The following PREX2 variants were observed in gnomAD, a reference collection of about 807,000 sequenced individuals.
PREX2 encodes phosphatidylinositol-3,4,5-trisphosphate dependent Rac exchange factor 2.
PREX2 carries 107 observed loss-of-function variants against 203.2 expected under a neutral mutation model. The ratio of observed to expected loss-of-function variants is 0.53; its 90% CI spans 0.45 to 0.62. The LOEUF is 0.62. Ranked by LOEUF, PREX2 falls within the 20% of genes least tolerant of loss-of-function variation. The probability of loss-of-function intolerance (pLI) is 0.00; values close to 1 mark genes in which losing one functional copy is unlikely to be tolerated. For missense variants in PREX2, 1,777 were observed against 1,955.9 expected, an observed-to-expected ratio of 0.91 and a Z score of 1.72; for synonymous variants, 672 against 663.6, an observed-to-expected ratio of 1.01 and a Z score of -0.19.
At chr8:68,155,717 C>T (rs184380442) in intron 34 of PREX2, among the ~76,000 whole-genome samples, 26 of 152,314 alleles carry the variant, frequency 1.7e-4, no homozygotes, top group East Asian at 9.7e-4. Context: ...GATCCATAGC[C>T]ATTCCTGTTA....
chr8:68,076,643 T>G (rs533929833), intron 14 of PREX2, among the ~76,000 whole-genome samples: 2 of 148,386 alleles, frequency 1.3e-5, no homozygotes, highest in African/African-American at 4.9e-5. Context: ...AGATAATATG[T>G]GAGAAAAAAG....
At chr8:68,126,419 C>T (rs1810887954) in intron 30 of PREX2, among the ~76,000 whole-genome samples, 1 of 152,074 alleles carries the variant, frequency 6.6e-6, no homozygotes, top group African/African-American at 2.4e-5. Context: ...TTAATTGAGA[C>T]TCAAAGTAAT....
chr8:67,952,364 G>T lies in PREX2; in HGVS notation c.-31G>T. 2 of 1,500,814 alleles carry T rather than the reference G, an allele frequency of 1.3e-6. No homozygotes were observed. The highest frequency in any genetic ancestry group is 1.8e-6 in the Non-Finnish European group (2 of 1,127,098). 93.0% of individuals were successfully genotyped at this position (1,500,814 alleles called of 1,614,324 possible). On this transcript the variant is annotated 5_prime_UTR_variant, in exon 1 of 40. Transcript: ENST00000288368. ...GCGCGGGTCAGCGCTCAGCACGGCGGGCAGCGCCGCGCTGCGCACCGCCGC... is the reference window on the plus strand; with the variant it reads ...GCGCGGGTCAGCGCTCAGCACGGCGTGCAGCGCCGCGCTGCGCACCGCCGC...
chr8:68,201,900 ATTTTTTTTTT>A (rs869153263), intron 37 of PREX2, among the ~76,000 whole-genome samples: 2 of 98,256 alleles, frequency 2.0e-5, no homozygotes, highest in African/African-American at 8.8e-5. Flanking sequence ...GGTAACACCT[ATTTTTTTTTT>A]TTTTTTTTTT....
chr8:67,965,885 A>G (rs910781406), intron 1 of PREX2, among the ~76,000 whole-genome samples: 9 of 152,202 alleles, frequency 5.9e-5, no homozygotes, highest in African/African-American at 1.4e-4. Flanking sequence ...GGAAGAGCAT[A>G]GCTTTCAATT....
rs1235741033 is a variant in PREX2, at chr8:68,234,544, T to C, written c.*3166T>C. ...CAAAATTTAATGTGATATTAAAGTA[T>C]GAAAAATTTGAGAAGATTAGAATTT... On this transcript the variant is annotated 3_prime_UTR_variant, in exon 40 of 40. Coordinates refer to ENST00000288368, the MANE Select transcript of PREX2 (RefSeq NM_024870.4). The C allele has an allele frequency of 6.6e-6, 1 of 152,198 alleles. No homozygotes were observed. The highest frequency in any genetic ancestry group is 1.5e-5 in the Non-Finnish European group (1 of 68,030). The allele number at this position is 152,198 out of a possible 1,614,324, so 9.4% of individuals were successfully genotyped here. A position where few individuals can be genotyped will look rare whatever the true frequency, so the allele number is the denominator to read the frequency against.
chr8:68,128,662 G>T (rs1003797175), intron 31 of PREX2, among the ~76,000 whole-genome samples: 4 of 152,144 alleles, frequency 2.6e-5, no homozygotes, highest in African/African-American at 9.7e-5. Context: ...TGGTGGATTT[G>T]CAGGGTTCCA....
At chr8:68,180,757 A>G (rs1046690105) in intron 35 of PREX2, among the ~76,000 whole-genome samples, 2 of 152,124 alleles carry the variant, frequency 1.3e-5, no homozygotes, top group African/African-American at 2.4e-5. Context: ...ACTGGATTGG[A>G]CCAATGCAGT....
chr8:68,119,440 C>T lies in PREX2; in HGVS notation c.3430C>T (p.Leu1144Phe), dbSNP rs1414435969. 1.9e-6 allele frequency: 3 copies of T among 1,612,346 alleles called. No homozygotes were observed. Among genetic ancestry groups the T allele is most frequent in the South Asian group, 1.1e-5 (1 of 90,812 alleles). The change falls in exon 28 of 40, where the codon CTT becomes TTT. Residue 1144 changes from leucine to phenylalanine, a missense_variant. By Grantham distance (22) the Leu-to-Phe change is conservative (BLOSUM62 0). Coordinates refer to ENST00000288368, the MANE Select transcript of PREX2 (RefSeq NM_024870.4). ...HSDEMDSGDE[L>F]PLSVRISHDK... is the part of the protein sequence containing the mutation. Reference sequence around the variant, plus strand: ...TTTGTTTTGACATCTAGGTGATGAACTTCCCTTAAGTGTTCGCATATCTCA... The same window carrying T: ...TTTGTTTTGACATCTAGGTGATGAATTTCCCTTAAGTGTTCGCATATCTCA...
At chr8:68,152,289 GAAAA>G (rs573525316) in intron 34 of PREX2, among the ~76,000 whole-genome samples, 2,118 of 72,898 alleles carry the variant, frequency 0.029, 73 homozygotes, top group African/African-American at 0.11. Context: ...CCCTCTCAGA[GAAAA>G]AAAAAAAAAA....
At chr8:68,075,191 A>G (rs1288672981) in intron 14 of PREX2, among the ~76,000 whole-genome samples, 1 of 152,202 alleles carries the variant, frequency 6.6e-6, no homozygotes, top group Non-Finnish European at 1.5e-5. Context: ...ATTTTAAAAG[A>G]GCATAGGAAA....
chr8:67,991,340 G>C (rs1033976571), intron 1 of PREX2, among the ~76,000 whole-genome samples: 2 of 152,054 alleles, frequency 1.3e-5, no homozygotes, highest in Non-Finnish European at 2.9e-5. Context: ...AAGGTAGAGA[G>C]CAAAAATGAG....
intron 30 of PREX2, 38 bp downstream of exon 30, chr8:68,121,087 C>G: frequency 6.2e-7 from 1 of 1,602,380 alleles, no homozygotes; most frequent in Non-Finnish European, 8.5e-7. Flanking sequence ...ATGATATTAG[C>G]AATAATCAAT....
intron 2 of PREX2, 69 bp downstream of exon 2, chr8:68,017,986 G>C: frequency 3.6e-6 from 4 of 1,096,810 alleles, no homozygotes; most frequent in Non-Finnish European, 5.5e-6. Flanking sequence ...TGGTGCCATG[G>C]TACTTCACAG....
At position 68,155,815 on chromosome 8, in the gene PREX2, A is replaced by G. The variant is rs542817066; in HGVS notation, c.4232-1507A>G. Among the ~76,000 whole-genome samples the G allele has an allele frequency of 4.3e-4, 65 of 152,290 alleles. 1 individual carries two copies. In the South Asian group the frequency reaches 0.013, roughly 32 times the overall value. ...TCCAAAATTTTTTAAATGATACCTC[A>G]TAAGGGTTAAAGGAAAAATACTGAA... On this transcript the variant is annotated intron_variant, in intron 34 of 39. Coordinates refer to ENST00000288368, the MANE Select transcript of PREX2 (RefSeq NM_024870.4).
intron 35 of PREX2, among the ~76,000 whole-genome samples, chr8:68,174,086 G>A (rs1811933815): frequency 6.6e-6 from 1 of 152,140 alleles, no homozygotes; most frequent in East Asian, 1.9e-4. Context: ...CTCCTTCAGT[G>A]ATTTTTTTCC....
At chr8:67,953,344 A>G (rs1248504891) in intron 1 of PREX2, among the ~76,000 whole-genome samples, 1 of 151,984 alleles carries the variant, frequency 6.6e-6, no homozygotes, top group Non-Finnish European at 1.5e-5. Context: ...AAAACGTCTC[A>G]TTCATTTTAG....
chr8:68,013,980 ATG>A (rs1434839441), intron 1 of PREX2, among the ~76,000 whole-genome samples: 1 of 152,174 alleles, frequency 6.6e-6, no homozygotes, highest in African/African-American at 2.4e-5. Context: ...ACGATCTACT[ATG>A]TGTGCCTGGA....
intron 35 of PREX2, among the ~76,000 whole-genome samples, chr8:68,165,503 G>T (rs575921907): frequency 6.6e-6 from 1 of 152,098 alleles, no homozygotes; most frequent in South Asian, 2.1e-4. Flanking sequence ...TGAGAACCAG[G>T]CATTCCCCAG....
Sources: allele counts gnomAD v4.1 joint callset (sites outside exome capture counted in the v4.1 genomes callset), GRCh38; gene constraint gnomAD v4.1.1; transcripts MANE v1.5; gene names NCBI Gene and HGNC (gene_info 2026-07-23, HGNC 2026-07-21).